COL5A2: variants seen among roughly 807,000 people sequenced by gnomAD.
COL5A2 encodes the protein collagen alpha-2(V) chain.
Under a neutral mutation model 208.2 loss-of-function variants are expected in COL5A2, and 23 were observed. That is an observed-to-expected ratio of 0.11 (90% CI 0.08 to 0.16). The LOEUF (loss-of-function observed/expected upper bound fraction) is 0.16, where lower values mean the gene tolerates loss of function less well. COL5A2 is among the 10% of genes least tolerant of loss of function. COL5A2 has a pLI of 1.00. For missense variants in COL5A2, 1,590 were observed against 1,956.4 expected (o/e 0.81, Z 3.53); for synonymous variants, 625 against 628.5 (o/e 0.99, Z 0.08).
chr2:189,240,305 A>C, the COL5A2 span, among the ~76,000 whole-genome samples: 1 of 152,126 alleles, frequency 6.6e-6, no homozygotes, highest in Non-Finnish European at 1.5e-5. Context: ...GGCCCTCTTC[A>C]TAGCTTGTAG....
At chr2:189,124,455 G>T (rs540664162) in intron 1 of COL5A2, among the ~76,000 whole-genome samples, 2 of 152,216 alleles carry the variant, frequency 1.3e-5, no homozygotes, top group Admixed American at 6.5e-5. Flanking sequence ...ATAGGGCGCA[G>T]GAAATGAAAT....
chr2:189,291,694 T>C, the COL5A2 span, among the ~76,000 whole-genome samples: 1 of 152,156 alleles, frequency 6.6e-6, no homozygotes, highest in African/African-American at 2.4e-5. Flanking sequence ...CAAGATCATT[T>C]CTCGTCATCA....
At chr2:189,160,316 A>G (rs991745235) in intron 1 of COL5A2, among the ~76,000 whole-genome samples, 13 of 152,348 alleles carry the variant, frequency 8.5e-5, no homozygotes, top group African/African-American at 3.1e-4. Context: ...AGAAGACACC[A>G]AAAATAAATG....
At chr2:189,265,950 C>T in the COL5A2 span, among the ~76,000 whole-genome samples, 1 of 151,948 alleles carries the variant, frequency 6.6e-6, no homozygotes, top group African/African-American at 2.4e-5. Flanking sequence ...ACCATATGAC[C>T]CAAATATTCC....
the COL5A2 span, among the ~76,000 whole-genome samples, chr2:189,309,429 C>T: frequency 6.6e-6 from 1 of 152,116 alleles, no homozygotes; most frequent in Non-Finnish European, 1.5e-5. Context: ...CTCCAGTAAA[C>T]ACACTGCACG....
the COL5A2 span, among the ~76,000 whole-genome samples, chr2:189,356,835 A>C: frequency 6.6e-6 from 1 of 152,158 alleles, no homozygotes; most frequent in Non-Finnish European, 1.5e-5. Flanking sequence ...CGGAATTTTC[A>C]GCCTTTTTGC....
chr2:189,146,815 G>A (rs190401438), intron 1 of COL5A2, among the ~76,000 whole-genome samples: 157 of 152,180 alleles, frequency 1.0e-3, no homozygotes, highest in Middle Eastern at 3.4e-3. Flanking sequence ...TACAGTAAAA[G>A]CTGCCTTCAT....
chr2:189,047,993 T>C (rs1445431702), intron 45 of COL5A2, among the ~76,000 whole-genome samples: 1 of 152,236 alleles, frequency 6.6e-6, no homozygotes, highest in African/African-American at 2.4e-5. Flanking sequence ...CAATTTTATC[T>C]TCCTGCTCTG....
chr2:189,219,011 G>C (rs1397631719), intron 1 of COL5A2, among the ~76,000 whole-genome samples: 1 of 152,098 alleles, frequency 6.6e-6, no homozygotes, highest in African/African-American at 2.4e-5. Flanking sequence ...TACTGTATCT[G>C]ATTTACCTTA....
chr2:189,289,479 C>T, the COL5A2 span, among the ~76,000 whole-genome samples: 1 of 152,044 alleles, frequency 6.6e-6, no homozygotes, highest in East Asian at 1.9e-4. Context: ...AGGAACACGA[C>T]AAGGATGCCC....
chr2:189,321,547 C>T, the COL5A2 span, among the ~76,000 whole-genome samples: 1 of 152,026 alleles, frequency 6.6e-6, no homozygotes, highest in African/African-American at 2.4e-5. Context: ...TTTAAGCCAA[C>T]AAAGATCAAA....
At chr2:189,173,216 C>A (rs1244350072) in intron 1 of COL5A2, among the ~76,000 whole-genome samples, 1 of 151,896 alleles carries the variant, frequency 6.6e-6, no homozygotes, top group Non-Finnish European at 1.5e-5. Flanking sequence ...TCAGGTGATC[C>A]GCCCACCTCA....
chr2:189,435,686 G>A, the COL5A2 span, among the ~76,000 whole-genome samples: 1 of 152,214 alleles, frequency 6.6e-6, no homozygotes, highest in Non-Finnish European at 1.5e-5. Flanking sequence ...AACAGGTGCT[G>A]GAGAGGATGT....
intron 7 of COL5A2, among the ~76,000 whole-genome samples, chr2:189,089,329 C>CCTA (rs1265679581): frequency 6.6e-6 from 1 of 152,128 alleles, no homozygotes; most frequent in African/African-American, 2.4e-5. Context: ...AACAGTTTGA[C>CCTA]CTACTCTCTT....
In COL5A2 at chr2:189,039,349, C is replaced by T. The variant is rs747653593; in HGVS notation, c.3848G>A (p.Arg1283His). 28 of 1,613,942 alleles carry T rather than the reference C, an allele frequency of 1.7e-5. No homozygotes were observed. Among genetic ancestry groups the T allele is most frequent in the Middle Eastern group, 1.6e-4 (1 of 6,084 alleles). Residue 1283 changes from arginine to histidine, a missense_variant, in exon 51 of 54, where the codon CGC becomes CAC. Physicochemically the swap from Arg to His is conservative, Grantham distance 29 (BLOSUM62 0). Coordinates refer to ENST00000374866, the MANE Select transcript of COL5A2 (RefSeq NM_000393.5). ...GTGCTTTTTCGAGCCATCGGGGCTGCGCATGGTTTCAATCTGACTACTGAG... is the reference window on the plus strand; with the variant it reads ...GTGCTTTTTCGAGCCATCGGGGCTGTGCATGGTTTCAATCTGACTACTGAG... ...KSLSSQIETM[R>H]SPDGSKKHPA...
At chr2:189,227,183 C>A (rs542833852), upstream of COL5A2, among the ~76,000 whole-genome samples, 120 of 151,902 alleles carry the variant, frequency 7.9e-4, 5 homozygotes, top group South Asian at 0.024. Context: ...TATCCAGACA[C>A]CAACACAAAT....
chr2:189,384,840 T>A, the COL5A2 span, among the ~76,000 whole-genome samples: 1 of 152,052 alleles, frequency 6.6e-6, no homozygotes, highest in African/African-American at 2.4e-5. Context: ...TGTTCTGTAT[T>A]TTAAGGAACT....
the COL5A2 span, among the ~76,000 whole-genome samples, chr2:189,283,637 GA>G: frequency 6.6e-6 from 1 of 151,866 alleles, no homozygotes; most frequent in East Asian, 1.9e-4. Context: ...GGGATTTTAG[GA>G]AAAAACTAAG....
the COL5A2 span, among the ~76,000 whole-genome samples, chr2:189,400,455 T>A: frequency 6.6e-6 from 1 of 152,210 alleles, no homozygotes; most frequent in African/African-American, 2.4e-5. Context: ...ACCCATTAAC[T>A]TTTTTCAGTT....
Sources: gnomAD v4.1 joint callset for allele counts (sites outside exome capture counted in the v4.1 genomes callset) on GRCh38, gnomAD v4.1.1 for gene constraint, MANE v1.5 for transcripts, NCBI Gene and HGNC (gene_info 2026-07-23, HGNC 2026-07-21) for gene names.